The following KIAA1217 variants were observed in gnomAD, a reference collection of about 807,000 sequenced individuals.
KIAA1217 encodes KIAA1217, also known as sickle tail protein homolog.
In KIAA1217, 88 loss-of-function variants were observed where a neutral mutation model predicts 163.9. The observed-to-expected ratio is 0.54, with a 90% CI of 0.45 to 0.64. The LOEUF is 0.64. Among genes scored for constraint, KIAA1217 ranks in the 30% least tolerant of loss-of-function variants. The pLI is 0.00. For synonymous variants in KIAA1217, 903 were observed against 923.1 expected, an observed-to-expected ratio of 0.98 and a Z score of 0.39; for missense variants, 2,372 against 2,475.0, an observed-to-expected ratio of 0.96 and a Z score of 0.88.
At chr10:23,699,476 T>TC (rs1196518958) in intron 1 of KIAA1217, among the ~76,000 whole-genome samples, 1 of 152,144 alleles carries the variant, frequency 6.6e-6, no homozygotes, top group African/African-American at 2.4e-5. Flanking sequence ...TGCTCTCTTC[T>TC]CCATTGGATG....
chr10:24,399,924 G>C (rs1161374716), intron 3 of KIAA1217, among the ~76,000 whole-genome samples: 2 of 152,182 alleles, frequency 1.3e-5, no homozygotes, highest in Non-Finnish European at 2.9e-5. Context: ...GATTCCAAAA[G>C]TGAAGAAGAA....
intron 1 of KIAA1217, among the ~76,000 whole-genome samples, chr10:23,981,507 G>T (rs1393792481): frequency 6.6e-6 from 1 of 152,178 alleles, no homozygotes; most frequent in Non-Finnish European, 1.5e-5. Flanking sequence ...GCAAGTCTTT[G>T]TCATGTCTAT....
chr10:24,415,074 C>T (rs1055841735), intron 3 of KIAA1217, among the ~76,000 whole-genome samples: 1 of 150,754 alleles, frequency 6.6e-6, no homozygotes, highest in South Asian at 2.1e-4. Flanking sequence ...GTTGGAGGCC[C>T]GGCAGTCTGG....
intron 2 of KIAA1217, among the ~76,000 whole-genome samples, chr10:24,351,096 C>A (rs983048666): frequency 6.6e-6 from 1 of 152,026 alleles, no homozygotes; most frequent in Non-Finnish European, 1.5e-5. Flanking sequence ...TACAGGCATG[C>A]GACCATACGC....
chr10:23,907,323 AGAGAGAGAGAGATG>A lies in KIAA1217; in HGVS notation c.-320-99889_-320-99876del, dbSNP rs1842204934. Among the ~76,000 whole-genome samples, 14 of 145,080 alleles carry A rather than the reference AGAGAGAGAGAGATG, an allele frequency of 9.6e-5. No homozygotes were observed. The South Asian group carries it at 3.0e-3, about 31-fold the overall frequency. On this transcript the variant is annotated intron_variant, in intron 1 of 18. Transcript: ENST00000376462. ...GTGTGTGTGTGTGTGTGTGTGTATG[AGAGAGAGAGAGATG>A]GAGAGAGAGAGAAGAGGGGAAGACA... is the stretch of plus-strand genomic sequence containing the variant.
chr10:23,754,195 T>G (rs1395396178), intron 1 of KIAA1217, among the ~76,000 whole-genome samples: 1 of 152,200 alleles, frequency 6.6e-6, no homozygotes, highest in Non-Finnish European at 1.5e-5. Context: ...ATTCATACAT[T>G]GTTAAACAAA....
chr10:23,984,579 A>G (rs1184741552), intron 1 of KIAA1217, among the ~76,000 whole-genome samples: 1 of 152,200 alleles, frequency 6.6e-6, no homozygotes, highest in Non-Finnish European at 1.5e-5. Context: ...AATACTATGC[A>G]GCCATAAAAA....
chr10:23,789,764 T>C (rs947967436), intron 1 of KIAA1217, among the ~76,000 whole-genome samples: 1 of 151,840 alleles, frequency 6.6e-6, no homozygotes, highest in African/African-American at 2.4e-5. Flanking sequence ...GTATGGAAGT[T>C]CTTATAAGTA....
chr10:24,179,752 C>G (rs1254964901), intron 2 of KIAA1217, among the ~76,000 whole-genome samples: 1 of 152,114 alleles, frequency 6.6e-6, no homozygotes, highest in African/African-American at 2.4e-5. Flanking sequence ...CCACATCCGG[C>G]TAATTTTTTG....
rs573685180 is a variant in KIAA1217 at position 23,857,697 on chromosome 10, CTG to C, written c.-320-149525_-320-149524del. ...GAAACCACATTGCCTCTAAGAATTT[CTG>C]TGAGTGGAGTGACATCTCTCAACCT... On this transcript the variant is annotated intron_variant, in intron 1 of 18. Coordinates refer to the KIAA1217 transcript ENST00000376462. Among the ~76,000 whole-genome samples, 40 of 152,230 alleles carry C rather than the reference CTG, an allele frequency of 2.6e-4. 1 individual carries two copies. Among genetic ancestry groups the C allele is most frequent in the African/African-American group, 7.2e-4 (30 of 41,550 alleles).
intron 1 of KIAA1217, among the ~76,000 whole-genome samples, chr10:23,805,897 T>C (rs1427705792): frequency 6.9e-6 from 1 of 145,720 alleles, no homozygotes; most frequent in Non-Finnish European, 1.5e-5. Flanking sequence ...ATGCCTGTAT[T>C]CCCAGCTACT....
chr10:24,016,269 T>C (rs1026400900), intron 2 of KIAA1217, among the ~76,000 whole-genome samples: 3 of 152,212 alleles, frequency 2.0e-5, no homozygotes, highest in African/African-American at 7.2e-5. Flanking sequence ...AGTTCTTCTC[T>C]GCTTTGTGTA....
intron 2 of KIAA1217, among the ~76,000 whole-genome samples, chr10:24,167,746 G>A (rs572555824): frequency 3.9e-4 from 60 of 152,260 alleles, no homozygotes; most frequent in Non-Finnish European, 7.9e-4. Flanking sequence ...ATACAGGCAT[G>A]TCTTAGTCTG....
At chr10:23,841,857 T>A (rs1301896259) in intron 1 of KIAA1217, among the ~76,000 whole-genome samples, 1 of 149,926 alleles carries the variant, frequency 6.7e-6, no homozygotes, top group African/African-American at 2.5e-5. Context: ...TTTTATTTTA[T>A]TTTATTTTAT....
intron 2 of KIAA1217, among the ~76,000 whole-genome samples, chr10:24,027,708 A>G (rs1479754718): frequency 6.6e-6 from 1 of 152,186 alleles, no homozygotes; most frequent in Admixed American, 6.5e-5. Context: ...CAGACAATAA[A>G]ATATCAATGA....
intron 3 of KIAA1217, among the ~76,000 whole-genome samples, chr10:24,393,479 A>G (rs1376655211): frequency 6.6e-6 from 1 of 151,856 alleles, no homozygotes; most frequent in Non-Finnish European, 1.5e-5. Flanking sequence ...GCCCCCAGGC[A>G]CCACCATGAC....
chr10:24,030,682 C>A (rs1848153796), intron 2 of KIAA1217, among the ~76,000 whole-genome samples: 3 of 152,138 alleles, frequency 2.0e-5, no homozygotes, highest in Non-Finnish European at 4.4e-5. Context: ...TTTCCCCTTC[C>A]CCAGTGCCTG....
rs143607296 is a variant in KIAA1217, at chr10:23,830,666, ATAGGTAGGTAGGTAGGTAGG to A, written c.-321+135456_-321+135475del. Among the ~76,000 whole-genome samples, 4 of 147,870 alleles carry A rather than the reference ATAGGTAGGTAGGTAGGTAGG, an allele frequency of 2.7e-5. No homozygotes were observed. In the East Asian group the frequency reaches 8.1e-4, roughly 30 times the overall value. On this transcript the variant is annotated intron_variant, in intron 1 of 18. Transcript: ENST00000376462. ...GACGATTGATAGAAAATGAGAAATC[ATAGGTAGGTAGGTAGGTAGG>A]TAGGTAGGTAGGTAGGTAGGTAGAT...
chr10:23,785,761 A>G lies in KIAA1217; in HGVS notation c.-321+90527A>G, dbSNP rs138375344. ...GAGTAAGGTCATTTTTTCTATCCTT[A>G]GCACTCAGAAATATATGTAGTAATT... On this transcript the variant is annotated intron_variant, in intron 1 of 18. Coordinates refer to the KIAA1217 transcript ENST00000376462. 2.0e-3 allele frequency among the ~76,000 whole-genome samples: 299 copies of G among 152,222 alleles called. 5 individuals are homozygous for G. Among genetic ancestry groups the G allele is most frequent in the Admixed American group, 0.016 (248 of 15,284 alleles).
Sources: gnomAD v4.1 joint callset for allele counts (sites outside exome capture counted in the v4.1 genomes callset) on GRCh38, gnomAD v4.1.1 for gene constraint, MANE v1.5 for transcripts, NCBI Gene and HGNC (gene_info 2026-07-23, HGNC 2026-07-21) for gene names.